The following PACS1 variants were observed in gnomAD, a reference collection of about 807,000 sequenced individuals.
PACS1 encodes the protein PACS-1.
A neutral mutation model predicts 115.0 loss-of-function variants in PACS1; 24 were observed. The ratio of observed to expected loss-of-function variants is 0.21; its 90% CI spans 0.15 to 0.29. The LOEUF (loss-of-function observed/expected upper bound fraction) is 0.29, where lower values mean the gene tolerates loss of function less well. Ranked by LOEUF, PACS1 falls within the 10% of genes least tolerant of loss-of-function variation. The pLI is 1.00. For synonymous variants in PACS1, 453 were observed against 504.5 expected, an observed-to-expected ratio of 0.90 and a Z score of 1.37; for missense variants, 838 against 1,251.2, an observed-to-expected ratio of 0.67 and a Z score of 4.98.
At chr11:66,159,588 C>T (rs1168588309) in intron 1 of PACS1, among the ~76,000 whole-genome samples, 4 of 152,122 alleles carry the variant, frequency 2.6e-5, no homozygotes, top group Admixed American at 2.0e-4. Flanking sequence ...AAGAGATTGT[C>T]GTAGGTTTTT....
At chr11:66,118,249 T>C (rs917745760) in intron 1 of PACS1, among the ~76,000 whole-genome samples, 15 of 152,210 alleles carry the variant, frequency 9.9e-5, no homozygotes, top group African/African-American at 2.7e-4. Context: ...ATTTAACCTG[T>C]TATGTGTATG....
chr11:66,075,737 C>T (rs974063906), intron 1 of PACS1, among the ~76,000 whole-genome samples: 4 of 148,184 alleles, frequency 2.7e-5, no homozygotes, highest in Non-Finnish European at 4.5e-5. Flanking sequence ...CATTAAAAGT[C>T]CTTTTTTTTT....
In PACS1 at chr11:66,234,964, C is replaced by T. The variant is rs549923355; in HGVS notation, c.2105-337C>T. 3.3e-5 allele frequency among the ~76,000 whole-genome samples: 5 copies of T among 152,178 alleles called. No individual in the cohort carries two copies. The East Asian group carries it at 5.8e-4, about 18-fold the overall frequency. On this transcript the variant is annotated intron_variant, in intron 17 of 23. Coordinates refer to ENST00000320580, the MANE Select transcript of PACS1 (RefSeq NM_018026.4). The stretch of plus-strand genomic sequence containing the variant: ...AGGCTGAGAGGTAGTGAGGGCCTGG[C>T]GCAACTGAGAAGGAGGTGATGGCAA...
intron 1 of PACS1, among the ~76,000 whole-genome samples, chr11:66,110,052 AATT>A: frequency 6.6e-6 from 1 of 152,242 alleles, no homozygotes; most frequent in South Asian, 2.1e-4. Context: ...CATAACATTA[AATT>A]AAGTTTGTCT....
At chr11:66,208,102 A>G (rs1854984873) in intron 2 of PACS1, among the ~76,000 whole-genome samples, 2 of 152,246 alleles carry the variant, frequency 1.3e-5, no homozygotes, top group Admixed American at 6.5e-5. Context: ...CCCTATGGCC[A>G]TTACCCATAG....
At chr11:66,113,274 T>A (rs1374276284) in intron 1 of PACS1, among the ~76,000 whole-genome samples, 1 of 152,234 alleles carries the variant, frequency 6.6e-6, no homozygotes, top group Non-Finnish European at 1.5e-5. Flanking sequence ...CTTGGGCAGA[T>A]GACTTTTCTT....
intron 1 of PACS1, among the ~76,000 whole-genome samples, chr11:66,090,139 C>G (rs1857634317): frequency 6.6e-6 from 1 of 151,432 alleles, no homozygotes; most frequent in Non-Finnish European, 1.5e-5. Context: ...GTTTGGGGTT[C>G]TTTGAACATG....
intron 1 of PACS1, among the ~76,000 whole-genome samples, chr11:66,159,042 G>A (rs1275302359): frequency 6.6e-6 from 1 of 152,148 alleles, no homozygotes; most frequent in East Asian, 1.9e-4. Flanking sequence ...GGATCTATAA[G>A]ATAATAGATG....
At chr11:66,166,406 C>G (rs1859602921) in intron 1 of PACS1, among the ~76,000 whole-genome samples, 2 of 152,182 alleles carry the variant, frequency 1.3e-5, no homozygotes, top group African/African-American at 4.8e-5. Context: ...CTTGGCCTCC[C>G]AAGGTGCTGG....
At chr11:66,140,911 C>CT in intron 1 of PACS1, among the ~76,000 whole-genome samples, 2 of 152,032 alleles carry the variant, frequency 1.3e-5, no homozygotes, top group South Asian at 4.2e-4. Context: ...ACATGAAGAG[C>CT]TTTTTTTGGT....
At position 66,186,111 on chromosome 11, in the gene PACS1, A is replaced by T. The variant is rs559632303; in HGVS notation, c.357-7375A>T. Among the ~76,000 whole-genome samples the T allele has an allele frequency of 5.5e-3, 829 of 150,414 alleles. 5 individuals carry two copies. The highest frequency in any genetic ancestry group is 8.8e-3 in the Non-Finnish European group (596 of 67,500). On this transcript the variant is annotated intron_variant, in intron 1 of 23. Transcript: ENST00000320580. ...ATGAGACCCCATCGCTGCAAAAAAAATTTTTTTTTTCTAATTAGCTGGGTG... is the reference window on the plus strand; with the variant it reads ...ATGAGACCCCATCGCTGCAAAAAAATTTTTTTTTTTCTAATTAGCTGGGTG...
chr11:66,173,487 C>A (rs974644921), intron 1 of PACS1, among the ~76,000 whole-genome samples: 1 of 152,102 alleles, frequency 6.6e-6, no homozygotes, highest in African/African-American at 2.4e-5. Context: ...GCAAGCGGAT[C>A]ACTTGAGCTC....
chr11:66,072,295 C>T (rs889702270), intron 1 of PACS1, among the ~76,000 whole-genome samples: 1 of 151,972 alleles, frequency 6.6e-6, no homozygotes, highest in African/African-American at 2.4e-5. Context: ...TACCGTAATT[C>T]TCTTGAATAT....
intron 14 of PACS1, among the ~76,000 whole-genome samples, chr11:66,232,552 G>C (rs893800074): frequency 3.3e-5 from 5 of 152,162 alleles, no homozygotes; most frequent in African/African-American, 1.2e-4. Context: ...ATTCCTCCAG[G>C]GCGCCACATG....
At chr11:66,123,445 G>A (rs1590760104) in intron 1 of PACS1, among the ~76,000 whole-genome samples, 1 of 152,182 alleles carries the variant, frequency 6.6e-6, no homozygotes, top group South Asian at 2.1e-4. Flanking sequence ...ACCTGCCTCG[G>A]CCTCCCAAAA....
chr11:66,234,358 G>T, intron 17 of PACS1, 116 bp downstream of exon 17: 1 of 743,080 alleles, frequency 1.3e-6, no homozygotes, highest in East Asian at 2.5e-5. Context: ...CACCTTCCCG[G>T]TCACTCTGTC....
intron 1 of PACS1, among the ~76,000 whole-genome samples, chr11:66,145,154 GAATA>G (rs1341570472): frequency 6.6e-6 from 1 of 152,150 alleles, no homozygotes; most frequent in East Asian, 1.9e-4. Flanking sequence ...TCTAGAAATG[GAATA>G]AATGCAAGAA....
At chr11:66,127,592 A>G (rs1384928946) in intron 1 of PACS1, among the ~76,000 whole-genome samples, 1 of 152,216 alleles carries the variant, frequency 6.6e-6, no homozygotes, top group Admixed American at 6.5e-5. Context: ...GGGTACGTTC[A>G]GTGTGTAACT....
At chr11:66,241,177 C>T (rs1855806933) in intron 21 of PACS1, 1 of 480,440 alleles carries the variant, frequency 2.1e-6, no homozygotes, top group Non-Finnish European at 3.8e-6. Context: ...TCTCTGCTGC[C>T]CTTGTCATCC....
Sources: gnomAD v4.1 joint callset for allele counts (sites outside exome capture counted in the v4.1 genomes callset) on GRCh38, gnomAD v4.1.1 for gene constraint, MANE v1.5 for transcripts, NCBI Gene and HGNC (gene_info 2026-07-23, HGNC 2026-07-21) for gene names.